NFATC2: variants seen among roughly 807,000 people sequenced by gnomAD.
The protein encoded by NFATC2 is nuclear factor of activated T-cells, cytoplasmic 2.
In NFATC2, 22 loss-of-function variants were observed where a neutral mutation model predicts 87.3. That is an observed-to-expected ratio of 0.25 (90% CI 0.18 to 0.36). The LOEUF (loss-of-function observed/expected upper bound fraction) is 0.36. NFATC2 is among the 10% of genes least tolerant of loss of function. NFATC2 has a pLI of 1.00. For missense variants in NFATC2, 1,149 were observed against 1,259.1 expected (o/e 0.91, Z 1.32); for synonymous variants, 565 against 542.2 (o/e 1.04, Z -0.58).
chr20:51,452,746 C>A (rs1985958777), intron 6 of NFATC2, among the ~76,000 whole-genome samples: 1 of 152,378 alleles, frequency 6.6e-6, no homozygotes, highest in South Asian at 2.1e-4. Flanking sequence ...TCCCCTTCCC[C>A]ATCCACAGCA....
intron 6 of NFATC2, among the ~76,000 whole-genome samples, chr20:51,439,664 C>T (rs1984051403): frequency 6.6e-6 from 1 of 152,238 alleles, no homozygotes; most frequent in Non-Finnish European, 1.5e-5. Context: ...TTCCACAACA[C>T]GCTGACTGGA....
At chr20:51,472,622 CT>C in intron 5 of NFATC2, among the ~76,000 whole-genome samples, 5 of 138,512 alleles carry the variant, frequency 3.6e-5, no homozygotes, top group Admixed American at 1.5e-4. Context: ...TTTTTTTCTT[CT>C]TTCTTCTTTT....
chr20:51,447,536 G>A (rs779700265), intron 6 of NFATC2, among the ~76,000 whole-genome samples: 3 of 152,304 alleles, frequency 2.0e-5, no homozygotes, highest in Admixed American at 6.5e-5. Context: ...CAGGCGCAGC[G>A]AGTCGCTCAA....
At position 51,523,108 on chromosome 20, in the gene NFATC2, G is replaced by A. The variant is rs777716831; in HGVS notation, c.1133C>T (p.Pro378Leu). 2 of 1,614,228 alleles carry A rather than the reference G, an allele frequency of 1.2e-6. No individual in the cohort carries two copies. The highest frequency in any genetic ancestry group is 8.5e-7 in the Non-Finnish European group (1 of 1,180,040). ...ILLVPPTWPK[P>L]LVPAIPICSI... ...GCAGATGGGAATGGCAGGCACCAGC[G>A]GCTTGGGCCAAGTGGGCGGAACCAG... The change falls in exon 2 of 11, where the codon CCG becomes CTG. Residue 378 changes from proline (P) to leucine (L), a missense_variant. Physicochemically the swap from Pro to Leu is moderately conservative, Grantham distance 98. Transcript: ENST00000371564. This position sits in a 1 kb window ranked among gnomAD's most constrained non-coding sequence, Gnocchi z 6.9.
At chr20:51,419,319 T>G (rs1489405809) in intron 9 of NFATC2, among the ~76,000 whole-genome samples, 2 of 152,232 alleles carry the variant, frequency 1.3e-5, no homozygotes, top group East Asian at 3.8e-4. Context: ...CCCAGCCTCC[T>G]CTGTGGCTCA....
intron 1 of NFATC2, among the ~76,000 whole-genome samples, chr20:51,534,360 G>C (rs2076685346): frequency 6.6e-6 from 1 of 152,218 alleles, no homozygotes; most frequent in African/African-American, 2.4e-5. Flanking sequence ...TTGAGACAGA[G>C]TCTCACTCTT....
At chr20:51,491,061 G>T (rs1568683122) in intron 3 of NFATC2, among the ~76,000 whole-genome samples, 3 of 152,192 alleles carry the variant, frequency 2.0e-5, no homozygotes. Context: ...ACCCAAGGAG[G>T]TCTGCTAAGG....
chr20:51,489,258 G>T (rs993152730), intron 3 of NFATC2, among the ~76,000 whole-genome samples: 1 of 151,122 alleles, frequency 6.6e-6, no homozygotes, highest in Non-Finnish European at 1.5e-5. Flanking sequence ...GGTGAGGGGG[G>T]CCCCTTTGGC....
intron 1 of NFATC2, among the ~76,000 whole-genome samples, chr20:51,525,599 C>G (rs752004369): frequency 1.3e-5 from 2 of 151,294 alleles, no homozygotes; most frequent in African/African-American, 4.9e-5. Context: ...CCCGCCAGCT[C>G]ATGGGGCGGC....
At chr20:51,402,418 A>G (rs1198943549) in intron 9 of NFATC2, among the ~76,000 whole-genome samples, 5 of 151,774 alleles carry the variant, frequency 3.3e-5, no homozygotes, top group African/African-American at 4.8e-5. Flanking sequence ...CTCGGCCCCA[A>G]CCCTCTGCTA....
chr20:51,507,373 T>A (rs2146655336), intron 3 of NFATC2, among the ~76,000 whole-genome samples: 1 of 152,294 alleles, frequency 6.6e-6, no homozygotes. Flanking sequence ...CCCCTCCGTA[T>A]CATAGCCTGG....
rs1042677966 is a variant in NFATC2, at chr20:51,523,437, T to A, written c.804A>T (p.Ser268=). 2 of 1,608,192 alleles carry A rather than the reference T, an allele frequency of 1.2e-6. No homozygotes were observed. The highest frequency in any genetic ancestry group is 8.5e-7 in the Non-Finnish European group (1 of 1,177,254). ...EALVALPPGA[S]PQRSRSPSPQ... ...GCGAGGGGCTCCGGGAGCGCTGGGGTGAGGCTCCGGGCGGCAGGGCAACCA... is the reference window on the plus strand; with the variant it reads ...GCGAGGGGCTCCGGGAGCGCTGGGGAGAGGCTCCGGGCGGCAGGGCAACCA... The change falls in exon 2 of 11, where the codon TCA becomes TCT. Residue 268 remains serine, a synonymous_variant. Transcript: ENST00000371564. The surrounding 1 kb of genome is among the most constrained non-coding windows in gnomAD (Gnocchi z 6.9).
chr20:51,445,968 T>C (rs1985006339), intron 6 of NFATC2, among the ~76,000 whole-genome samples: 2 of 152,188 alleles, frequency 1.3e-5, no homozygotes, highest in African/African-American at 4.8e-5. Context: ...CTGTCATCTG[T>C]GGATGATCCC....
chr20:51,441,077 GT>G (rs1347442525), intron 6 of NFATC2, among the ~76,000 whole-genome samples: 1 of 152,164 alleles, frequency 6.6e-6, no homozygotes, highest in East Asian at 1.9e-4. Context: ...GAGGTCAGGA[GT>G]TCAAGACCAG....
chr20:51,451,785 G>A lies in NFATC2; in HGVS notation c.1849+2763C>T, dbSNP rs371071237. Among the ~76,000 whole-genome samples, 12 of 152,274 alleles carry A rather than the reference G, an allele frequency of 7.9e-5. No individual in the cohort carries two copies. In the East Asian group the frequency reaches 2.3e-3, roughly 29 times the overall value. ...CTTGCCAGGGATCTAGGTTGTGCACGCCTTAGGAGAGTCTAATGCCTGATC... is the reference window on the plus strand; with the variant it reads ...CTTGCCAGGGATCTAGGTTGTGCACACCTTAGGAGAGTCTAATGCCTGATC... On this transcript the variant is annotated intron_variant, in intron 6 of 10. Coordinates refer to ENST00000371564, the MANE Select transcript of NFATC2 (RefSeq NM_012340.5).
At chr20:51,536,922 C>G (rs1484683456) in intron 1 of NFATC2, among the ~76,000 whole-genome samples, 4 of 151,916 alleles carry the variant, frequency 2.6e-5, no homozygotes, top group South Asian at 2.1e-4. Context: ...CACACACACA[C>G]AGATACTGTA....
chr20:51,482,065 GT>G (rs991700889), intron 3 of NFATC2, among the ~76,000 whole-genome samples: 1 of 152,090 alleles, frequency 6.6e-6, no homozygotes, highest in African/African-American at 2.4e-5. Flanking sequence ...GGCCCTGTTT[GT>G]TTCTTCTGTT....
chr20:51,480,868 G>A lies in NFATC2; in HGVS notation c.1333-5208C>T, dbSNP rs1188310982. ...ATGACGCAAATCGAAACAGGGAGGT[G>A]ATATTACAGAACTGAATGGAAGGGT... is the stretch of plus-strand genomic sequence containing the variant. On this transcript the variant is annotated intron_variant, in intron 3 of 10. Transcript: ENST00000371564. The surrounding 1 kb of genome is among the most constrained non-coding windows in gnomAD (Gnocchi z 4.2). Among the ~76,000 whole-genome samples the A allele has an allele frequency of 2.0e-5, 3 of 152,278 alleles. No individual in the cohort carries two copies. The highest frequency in any genetic ancestry group is 2.9e-5 in the Non-Finnish European group (2 of 68,018).
chr20:51,449,087 T>G lies in NFATC2; in HGVS notation c.1849+5461A>C, dbSNP rs549655976. The stretch of plus-strand genomic sequence containing the variant: ...GAGCTGGTGGTGCCGATGACCAAAC[T>G]CGGGGCTAAGATTAGCCCAGGAGGC... On this transcript the variant is annotated intron_variant, in intron 6 of 10. Transcript: ENST00000371564. 8.5e-5 allele frequency among the ~76,000 whole-genome samples: 13 copies of G among 152,106 alleles called. No homozygotes were observed. The East Asian group carries it at 2.1e-3, about 25-fold the overall frequency.
Sources: allele counts gnomAD v4.1 joint callset (sites outside exome capture counted in the v4.1 genomes callset), GRCh38; gene constraint gnomAD v4.1.1; non-coding constraint Gnocchi (gnomAD v3.1); transcripts MANE v1.5; gene names NCBI Gene and HGNC (gene_info 2026-07-23, HGNC 2026-07-21).